The following SHROOM4 variants were observed in gnomAD, a reference collection of about 807,000 sequenced individuals.
The protein encoded by SHROOM4 is protein Shroom4.
In SHROOM4, 17 loss-of-function variants were observed where a neutral mutation model predicts 80.3. The observed-to-expected ratio is 0.21, with a 90% CI of 0.14 to 0.32. The LOEUF is 0.32. Among genes scored for constraint, SHROOM4 ranks in the 10% least tolerant of loss-of-function variants. The pLI, the probability that SHROOM4 is intolerant of heterozygous loss-of-function variation, is 1.00. For synonymous variants in SHROOM4, 400 were observed against 437.5 expected (o/e 0.91, Z 1.07); for missense variants, 993 against 1,140.3 (o/e 0.87, Z 1.86).
At chrX:50,630,208 G>A (rs983743722) in intron 4 of SHROOM4, among the ~76,000 whole-genome samples, 1 of 110,764 alleles carries the variant, frequency 9.0e-6, no homozygotes, top group Admixed American at 9.6e-5. Flanking sequence ...TGACACCGCT[G>A]CAGCCGTCAT....
chrX:50,741,626 C>A (rs1300528703), intron 1 of SHROOM4, among the ~76,000 whole-genome samples: 1 of 110,798 alleles, frequency 9.0e-6, no homozygotes, highest in Non-Finnish European at 1.9e-5. Context: ...GAAATAGTAT[C>A]TCACTGTGGT....
Position 50,806,074 on chromosome X carries a change from T to C in SHROOM4, c.117+7828A>G, listed in dbSNP as rs528755903. Among the ~76,000 whole-genome samples, 137 of 110,298 alleles carry C rather than the reference T, an allele frequency of 1.2e-3. 1 individual carries two copies. The highest frequency in any genetic ancestry group is 4.2e-3 in the African/African-American group (128 of 30,339). On this transcript the variant is annotated intron_variant, in intron 1 of 8. Transcript: ENST00000376020. ...TTTGGACAGAGGGCAGGGCAGTCAA[T>C]GAATGAACAAAGGGGCAATGGCACT...
chrX:50,770,694 C>T (rs1422812305), intron 1 of SHROOM4, among the ~76,000 whole-genome samples: 3 of 111,997 alleles, frequency 2.7e-5, no homozygotes, highest in African/African-American at 9.7e-5. Context: ...GAAAACATTC[C>T]TGCAAGGAGC....
Position 50,590,497 on chromosome X carries a change from G to A in SHROOM4, c.*6198C>T, listed in dbSNP as rs995536248. The stretch of plus-strand genomic sequence containing the variant: ...GATCTCCTGACCTCCTGATCCGCCC[G>A]CCACGGCCTCCCAAAGTGCTGGGAT... On this transcript the variant is annotated 3_prime_UTR_variant, in exon 9 of 9. Coordinates refer to ENST00000376020, the MANE Select transcript of SHROOM4 (RefSeq NM_020717.5). Among the ~76,000 whole-genome samples the A allele has an allele frequency of 4.5e-5, 5 of 110,790 alleles. No homozygotes were observed. The highest frequency in any genetic ancestry group is 5.7e-5 in the Non-Finnish European group (3 of 52,890).
intron 1 of SHROOM4, among the ~76,000 whole-genome samples, chrX:50,810,348 CTTCCCCCACTAATCACTACTTTTTCAAA>C (rs782491706): frequency 2.0e-4 from 22 of 110,981 alleles, no homozygotes; most frequent in Non-Finnish European, 3.8e-4. Context: ...TGCATACCCT[CTTCCCCCACTAATCACTACTTTTTCAAA>C]TTCCCCCACT....
At chrX:50,715,383 G>A (rs1455070264) in intron 1 of SHROOM4, among the ~76,000 whole-genome samples, 4 of 111,719 alleles carry the variant, frequency 3.6e-5, no homozygotes, top group African/African-American at 1.3e-4. Flanking sequence ...GTGTTGCACT[G>A]TTTGGGGAAA....
intron 2 of SHROOM4, among the ~76,000 whole-genome samples, chrX:50,666,518 T>G (rs1932695986): frequency 9.0e-6 from 1 of 111,333 alleles, no homozygotes; most frequent in South Asian, 3.9e-4. Context: ...CTTAAACTTT[T>G]CCTTTACTCA....
At chrX:50,802,244 G>A (rs996129616) in intron 1 of SHROOM4, among the ~76,000 whole-genome samples, 3 of 111,894 alleles carry the variant, frequency 2.7e-5, no homozygotes, top group African/African-American at 6.5e-5. Flanking sequence ...CAATTAACTC[G>A]TTTCCACAAC....
chrX:50,702,364 C>T (rs782407944), intron 1 of SHROOM4, among the ~76,000 whole-genome samples: 8 of 111,300 alleles, frequency 7.2e-5, no homozygotes, highest in Non-Finnish European at 7.5e-5. Context: ...AATAAGTGCA[C>T]GTGTCCATAA....
intron 1 of SHROOM4, among the ~76,000 whole-genome samples, chrX:50,744,755 G>A (rs1380468915): frequency 9.0e-6 from 1 of 111,642 alleles, no homozygotes; most frequent in African/African-American, 3.3e-5. Flanking sequence ...CATAACCTGG[G>A]CTTTGTTTTT....
intron 5 of SHROOM4, among the ~76,000 whole-genome samples, chrX:50,614,710 C>G (rs1930147112): frequency 8.9e-6 from 1 of 112,169 alleles, no homozygotes; most frequent in South Asian, 3.7e-4. Context: ...AGTAGTTCAA[C>G]TTCTAGGGAT....
chrX:50,639,402 A>G (rs1931498261), intron 2 of SHROOM4, among the ~76,000 whole-genome samples: 1 of 111,340 alleles, frequency 9.0e-6, no homozygotes, highest in African/African-American at 3.3e-5. Flanking sequence ...AAAAAGAGAA[A>G]ACTCTGAGAA....
chrX:50,705,545 A>G, intron 1 of SHROOM4, among the ~76,000 whole-genome samples: 1 of 111,323 alleles, frequency 9.0e-6, no homozygotes, highest in East Asian at 2.8e-4. Context: ...TTCTAACTTT[A>G]AACAAGAGTA....
At chrX:50,721,339 C>A (rs1036117756) in intron 1 of SHROOM4, among the ~76,000 whole-genome samples, 1 of 112,383 alleles carries the variant, frequency 8.9e-6, no homozygotes, top group Non-Finnish European at 1.9e-5. Flanking sequence ...CAGAGCAGCC[C>A]TGAGGGCTGC....
chrX:50,813,929 T>C lies in SHROOM4; in HGVS notation c.90A>G (p.Glu30=). 1.7e-6 allele frequency: 2 copies of C among 1,204,553 alleles called. No individual in the cohort carries two copies. The highest frequency in any genetic ancestry group is 2.2e-6 in the Non-Finnish European group (2 of 890,247). Residue 30 remains glutamate, a synonymous_variant, in exon 1 of 9, where the codon GAA becomes GAG. Coordinates refer to ENST00000376020, the MANE Select transcript of SHROOM4 (RefSeq NM_020717.5). ...TAGACACTGTGAGCGGCTCACAGTG[T>C]TCCAGACCCCCCTTAAGGGTGAAGC... The part of the protein sequence containing the change: ...PWGFTLKGGL[E]HCEPLTVSKI...
At chrX:50,663,038 C>T (rs1932565118) in intron 2 of SHROOM4, among the ~76,000 whole-genome samples, 1 of 110,938 alleles carries the variant, frequency 9.0e-6, no homozygotes, top group Admixed American at 9.6e-5. Context: ...GATGAAGAGA[C>T]CACCTGCAAA....
chrX:50,753,118 G>A (rs917165909), intron 1 of SHROOM4, among the ~76,000 whole-genome samples: 8 of 111,883 alleles, frequency 7.2e-5, no homozygotes, highest in South Asian at 7.5e-4. Flanking sequence ...TCTAGATTAC[G>A]TAAAGGACTT....
chrX:50,739,649 T>C (rs1934599531), intron 1 of SHROOM4, among the ~76,000 whole-genome samples: 1 of 103,409 alleles, frequency 9.7e-6, no homozygotes, highest in Non-Finnish European at 2.0e-5. Context: ...CTCACACCAG[T>C]TAGAATGGCG....
rs782486325 is a variant in SHROOM4, at chrX:50,622,802, G to A, written c.2957+4812C>T. 3.6e-5 allele frequency among the ~76,000 whole-genome samples: 4 copies of A among 111,990 alleles called. No homozygotes were observed. The South Asian group carries it at 1.5e-3, about 42-fold the overall frequency. ...TCATGTTTCCTGAGACCTTTAATTG[G>A]GACCTGCCTCTTCCATCTTCAGTGT... On this transcript the variant is annotated intron_variant, in intron 5 of 8. Coordinates refer to ENST00000376020, the MANE Select transcript of SHROOM4 (RefSeq NM_020717.5).
Sources: allele counts gnomAD v4.1 joint callset (sites outside exome capture counted in the v4.1 genomes callset), GRCh38; gene constraint gnomAD v4.1.1; transcripts MANE v1.5; gene names NCBI Gene and HGNC (gene_info 2026-07-23, HGNC 2026-07-21).